Variants in PKHD1 observed in about 807,000 individuals in gnomAD.
The protein encoded by PKHD1 is fibrocystin.
In PKHD1, 291 loss-of-function variants were observed where a neutral mutation model predicts 412.0. The ratio of observed to expected loss-of-function variants is 0.71; its 90% confidence interval spans 0.64 to 0.78. The LOEUF is 0.78. PKHD1 is among the 30% of genes least tolerant of loss of function. The pLI is 0.00. For synonymous variants in PKHD1, 1,777 were observed against 1,821.5 expected (o/e 0.98, Z 0.62); for missense variants, 4,825 against 4,950.7 (o/e 0.97, Z 0.76).
intron 55 of PKHD1, among the ~76,000 whole-genome samples, chr6:51,770,117 T>C (rs952090481): frequency 6.6e-6 from 1 of 151,786 alleles, no homozygotes; most frequent in Admixed American, 6.6e-5. Context: ...TTGTTTTCTT[T>C]ACCTTTTTTA....
intron 65 of PKHD1, among the ~76,000 whole-genome samples, chr6:51,631,521 C>T (rs1767915397): frequency 6.6e-6 from 1 of 152,170 alleles, no homozygotes; most frequent in African/African-American, 2.4e-5. Context: ...TACTTCCTCT[C>T]ACCTTTATTT....
intron 55 of PKHD1, among the ~76,000 whole-genome samples, chr6:51,764,010 T>C (rs1349983951): frequency 6.6e-6 from 1 of 151,222 alleles, no homozygotes; most frequent in Non-Finnish European, 1.5e-5. Context: ...GCAGGTTAGT[T>C]ACATATGTAT....
intron 60 of PKHD1, among the ~76,000 whole-genome samples, chr6:51,711,929 G>A (rs1023062224): frequency 1.3e-5 from 2 of 152,142 alleles, no homozygotes; most frequent in African/African-American, 4.8e-5. Context: ...AACCTACATG[G>A]TTTTGGAAGT....
intron 57 of PKHD1, among the ~76,000 whole-genome samples, chr6:51,749,276 TA>T (rs1785698020): frequency 6.6e-6 from 1 of 152,220 alleles, no homozygotes; most frequent in African/African-American, 2.4e-5. Context: ...ATGTTTTCTA[TA>T]TTTTTATCCT....
chr6:51,806,241 T>C (rs1763766735), intron 52 of PKHD1, among the ~76,000 whole-genome samples: 1 of 152,014 alleles, frequency 6.6e-6, no homozygotes, highest in Non-Finnish European at 1.5e-5. Context: ...AAAGAGGCAT[T>C]CTAGTGGTTC....
intron 37 of PKHD1, among the ~76,000 whole-genome samples, chr6:51,932,598 AT>A (rs1382674742): frequency 6.6e-6 from 1 of 152,216 alleles, no homozygotes; most frequent in Non-Finnish European, 1.5e-5. Flanking sequence ...TTTGAAAACC[AT>A]GGCTGACGTG....
At chr6:51,886,103 C>T (rs1356198095) in intron 44 of PKHD1, 131 bp from the exon 45 acceptor site, 3 of 716,030 alleles carry the variant, frequency 4.2e-6, no homozygotes, top group Non-Finnish European at 5.0e-6. Flanking sequence ...GTGACCCTCC[C>T]CCTAACTGTT....
At chr6:51,846,109 T>C (rs1286333114) in intron 50 of PKHD1, among the ~76,000 whole-genome samples, 2 of 152,234 alleles carry the variant, frequency 1.3e-5, no homozygotes, top group East Asian at 3.8e-4. Flanking sequence ...TAGTTTTAGG[T>C]TACATTTATG....
intron 60 of PKHD1, among the ~76,000 whole-genome samples, chr6:51,711,948 G>C: frequency 6.6e-6 from 1 of 152,100 alleles, no homozygotes; most frequent in Non-Finnish European, 1.5e-5. Context: ...GTAATGCCTG[G>C]AACTAGCCAA....
At position 51,753,244 on chromosome 6, in the gene PKHD1, C is replaced by G. The variant is rs1786402698; in HGVS notation, c.8907G>C (p.Leu2969=). 1 of 1,613,698 alleles carries G rather than the reference C, an allele frequency of 6.2e-7. No homozygotes were observed. The highest frequency in any genetic ancestry group is 1.7e-5 in the Admixed American group (1 of 59,978). The change falls in exon 57 of 67, where the codon CTG becomes CTC. Residue 2969 remains leucine (L), a synonymous_variant. Transcript: ENST00000371117. The part of the protein sequence containing the change: ...IQPDVSCRGR[L]FVGSFRKSSR... The stretch of plus-strand genomic sequence containing the variant: ...TGGACTTCCTGAAGGACCCCACAAA[C>G]AGTCTCCCCCTACATGATACGTCAG...
intron 55 of PKHD1, among the ~76,000 whole-genome samples, chr6:51,756,915 A>G (rs147059497): frequency 1.2e-3 from 185 of 152,276 alleles, no homozygotes; most frequent in South Asian, 7.7e-3. Flanking sequence ...TGGATTCGGG[A>G]TGAAACTGTT....
chr6:51,645,828 T>C (rs954872278), intron 63 of PKHD1, among the ~76,000 whole-genome samples: 1 of 152,256 alleles, frequency 6.6e-6, no homozygotes, highest in Non-Finnish European at 1.5e-5. Flanking sequence ...TCAACAATTC[T>C]GAATTCAAGG....
intron 60 of PKHD1, among the ~76,000 whole-genome samples, chr6:51,734,732 G>T (rs1783633528): frequency 6.6e-6 from 1 of 151,970 alleles, no homozygotes; most frequent in South Asian, 2.1e-4. Flanking sequence ...ACTCTACAAA[G>T]TTCCAAACAG....
In PKHD1 at chr6:51,733,089, G is replaced by C. The variant is rs143707558; in HGVS notation, c.10156+11296C>G. 4.9e-3 allele frequency among the ~76,000 whole-genome samples: 742 copies of C among 152,248 alleles called. 9 individuals are homozygous for C. Among genetic ancestry groups the C allele is most frequent in the African/African-American group, 0.017 (706 of 41,548 alleles). On this transcript the variant is annotated intron_variant, in intron 60 of 66. Transcript: ENST00000371117. Reference sequence around the variant, plus strand: ...TCATAGACCCAGAGAGTGGAATGTTGGTTTTCAGGAACACGGGGTAGGGAA... The same window carrying C: ...TCATAGACCCAGAGAGTGGAATGTTCGTTTTCAGGAACACGGGGTAGGGAA...
intron 60 of PKHD1, 137 bp from the exon 61 acceptor site, chr6:51,660,106 G>A: frequency 3.5e-6 from 2 of 569,214 alleles, no homozygotes; most frequent in Admixed American, 3.3e-5. Context: ...GATACTGAGA[G>A]TGCAAGGAAG....
At chr6:51,901,100 A>G (rs1030860369) in intron 43 of PKHD1, among the ~76,000 whole-genome samples, 8 of 152,176 alleles carry the variant, frequency 5.3e-5, no homozygotes, top group African/African-American at 1.2e-4. Flanking sequence ...CATTGTGGAA[A>G]TCAGTGTGGT....
intron 55 of PKHD1, among the ~76,000 whole-genome samples, chr6:51,767,400 A>T (rs574402586): frequency 2.6e-5 from 4 of 152,160 alleles, no homozygotes; most frequent in African/African-American, 9.6e-5. Flanking sequence ...GGTTTGTTAC[A>T]TATGTATACA....
chr6:52,024,729 C>G lies in PKHD1; in HGVS notation c.5081G>C (p.Gly1694Ala), dbSNP rs375803593. Reference protein sequence around the residue: ...DIFIGMSPCVGVSGNHTVLQC... With the variant: ...DIFIGMSPCVAVSGNHTVLQC... ...AAGAACGGTGTGGTTACCAGAGACA[C>G]CCACACAGGGTGACATTCCTATAAA... The change falls in exon 32 of 67, where the codon GGT becomes GCT. Residue 1694 changes from glycine to alanine, a missense_variant. Gly to Ala is a moderately conservative substitution (Grantham distance 60). Coordinates refer to ENST00000371117, the MANE Select transcript of PKHD1 (RefSeq NM_138694.4). 1 of 1,614,054 alleles carries G rather than the reference C, an allele frequency of 6.2e-7. No homozygotes were observed. The highest frequency in any genetic ancestry group is 1.3e-5 in the African/African-American group (1 of 74,926).
intron 36 of PKHD1, among the ~76,000 whole-genome samples, chr6:51,939,395 C>G (rs558700540): frequency 6.6e-6 from 1 of 151,488 alleles, no homozygotes; most frequent in East Asian, 1.9e-4. Flanking sequence ...GGCTCGCCTC[C>G]TTCACTATGG....
Sources: gnomAD v4.1 joint callset for allele counts (sites outside exome capture counted in the v4.1 genomes callset) on GRCh38, gnomAD v4.1.1 for gene constraint, MANE v1.5 for transcripts, NCBI Gene and HGNC (gene_info 2026-07-23, HGNC 2026-07-21) for gene names.